Variants in PAK1 observed in about 807,000 individuals in gnomAD.
The protein encoded by PAK1 is p21 (RAC1) activated kinase 1.
In PAK1, 29 loss-of-function variants were observed where a neutral mutation model predicts 67.4. That is an observed-to-expected ratio of 0.43 (90% CI 0.32 to 0.59). The LOEUF (loss-of-function observed/expected upper bound fraction) is 0.59. Ranked by LOEUF, PAK1 falls within the 20% of genes least tolerant of loss-of-function variation. The pLI is 0.07. For missense variants in PAK1, 337 were observed against 670.7 expected (o/e 0.50, Z 5.50); for synonymous variants, 223 against 237.4 (o/e 0.94, Z 0.56).
At chr11:77,448,822 G>A (rs1392309348) in intron 1 of PAK1, among the ~76,000 whole-genome samples, 1 of 152,156 alleles carries the variant, frequency 6.6e-6, no homozygotes, top group African/African-American at 2.4e-5. Context: ...GGCAAAAAGA[G>A]GTAGTCATTT....
intron 1 of PAK1, among the ~76,000 whole-genome samples, chr11:77,433,982 T>C (rs1464773348): frequency 1.3e-5 from 2 of 151,988 alleles, no homozygotes; most frequent in African/African-American, 4.8e-5. Flanking sequence ...AATAAAAAGA[T>C]AGTAACAAGT....
chr11:77,479,602 C>CTTTTTTTTT (rs34649009), upstream of PAK1, among the ~76,000 whole-genome samples: 2 of 80,540 alleles, frequency 2.5e-5, no homozygotes, highest in African/African-American at 5.4e-5. Context: ...GAAAAATAAA[C>CTTTTTTTTT]TTTTTTTTTT....
At chr11:77,328,782 T>C (rs1177718966) in intron 14 of PAK1, among the ~76,000 whole-genome samples, 2 of 151,780 alleles carry the variant, frequency 1.3e-5, no homozygotes, top group African/African-American at 2.4e-5. Flanking sequence ...ATAACTAAGA[T>C]CAGAGCAGAA....
chr11:77,523,058 T>A, the PAK1 span, among the ~76,000 whole-genome samples: 1 of 152,114 alleles, frequency 6.6e-6, no homozygotes, highest in Non-Finnish European at 1.5e-5. Flanking sequence ...AATAGACACT[T>A]CAGGCTACTA....
chr11:77,359,184 T>C (rs1946445635), intron 5 of PAK1, among the ~76,000 whole-genome samples, 167 bp from the exon 6 acceptor site: 1 of 152,078 alleles, frequency 6.6e-6, no homozygotes, highest in South Asian at 2.1e-4. Context: ...GCTCAATCTG[T>C]TTCTCCCTCT....
chr11:77,513,670 CAAAAAAAAAAAA>C, the PAK1 span, among the ~76,000 whole-genome samples: 10 of 52,936 alleles, frequency 1.9e-4, no homozygotes, highest in Non-Finnish European at 3.1e-4. Context: ...GACTCTGTCT[CAAAAAAAAAAAA>C]AAAAAAAAAA....
At chr11:77,478,360 C>G (rs186854754), upstream of PAK1, among the ~76,000 whole-genome samples, 492 of 152,280 alleles carry the variant, frequency 3.2e-3, 2 homozygotes, top group African/African-American at 0.011. Flanking sequence ...TCTTTGAGCT[C>G]TTCCTTGCTT....
intron 1 of PAK1, among the ~76,000 whole-genome samples, chr11:77,418,721 A>G (rs963111201): frequency 9.9e-5 from 15 of 152,258 alleles, no homozygotes; most frequent in African/African-American, 3.1e-4. Context: ...TACAAAGCTA[A>G]TAAGTATGCC....
intron 1 of PAK1, among the ~76,000 whole-genome samples, chr11:77,434,362 C>A (rs1219148851): frequency 1.3e-5 from 2 of 152,064 alleles, no homozygotes; most frequent in East Asian, 3.8e-4. Context: ...CAAAAAAATA[C>A]TGCCAAATAT....
chr11:77,388,811 C>A (rs934855490), intron 2 of PAK1, among the ~76,000 whole-genome samples: 1 of 152,226 alleles, frequency 6.6e-6, no homozygotes, highest in South Asian at 2.1e-4. Flanking sequence ...TAGACCCCCA[C>A]TTTCCCATTT....
intron 5 of PAK1, among the ~76,000 whole-genome samples, chr11:77,372,098 A>C (rs1948511857): frequency 6.6e-6 from 1 of 152,224 alleles, no homozygotes. Flanking sequence ...TGTGAGGCTA[A>C]TCATGCTTAC....
chr11:77,406,416 G>A (rs141692773), intron 1 of PAK1, among the ~76,000 whole-genome samples: 9 of 152,292 alleles, frequency 5.9e-5, no homozygotes, highest in Admixed American at 2.0e-4. Context: ...AAGGAGCAAC[G>A]ATATGCTTTT....
chr11:77,490,502 A>G, the PAK1 span, among the ~76,000 whole-genome samples: 2 of 120,164 alleles, frequency 1.7e-5, no homozygotes, highest in African/African-American at 6.7e-5. Flanking sequence ...TCCGGGAGGG[A>G]GGTGGGGGGT....
At chr11:77,412,761 A>G (rs1954697029) in intron 1 of PAK1, among the ~76,000 whole-genome samples, 1 of 152,234 alleles carries the variant, frequency 6.6e-6, no homozygotes, top group African/African-American at 2.4e-5. Flanking sequence ...TGTACTAGGT[A>G]CTTTATAAAT....
chr11:77,450,634 C>CA (rs1956813366), intron 1 of PAK1, among the ~76,000 whole-genome samples: 1 of 152,042 alleles, frequency 6.6e-6, no homozygotes, highest in Non-Finnish European at 1.5e-5. Flanking sequence ...GATATTATTT[C>CA]AAAAAAATAC....
chr11:77,344,715 C>T (rs1372417289), intron 9 of PAK1, among the ~76,000 whole-genome samples: 2 of 152,184 alleles, frequency 1.3e-5, no homozygotes, highest in African/African-American at 4.8e-5. Context: ...ATAGCAAAAT[C>T]AGGATTAGAA....
intron 1 of PAK1, among the ~76,000 whole-genome samples, chr11:77,401,354 T>G (rs1290111564): frequency 6.6e-6 from 1 of 152,132 alleles, no homozygotes; most frequent in African/African-American, 2.4e-5. Context: ...CAACACCTGC[T>G]AGAGCAACAG....
Position 77,323,272 on chromosome 11 carries a change from T to G in PAK1, c.*2A>C, listed in dbSNP as rs1229476013. ...CACAATGAGGCTGGGGTGAGTGTGG[T>G]TTTAGTGATTGTTCTTTGTTGCCTC... On this transcript the variant is annotated 3_prime_UTR_variant, in exon 15 of 15. Transcript: ENST00000356341. The G allele has an allele frequency of 6.2e-7, 1 of 1,613,706 alleles. No individual in the cohort carries two copies. Among genetic ancestry groups the G allele is most frequent in the Admixed American group, 1.7e-5 (1 of 59,990 alleles).
chr11:77,499,111 T>G, the PAK1 span, among the ~76,000 whole-genome samples: 3 of 149,720 alleles, frequency 2.0e-5, no homozygotes, highest in Non-Finnish European at 4.4e-5. Context: ...CTTTTCATAT[T>G]AATGAGTGAT....
Sources: gnomAD v4.1 joint callset for allele counts (sites outside exome capture counted in the v4.1 genomes callset) on GRCh38, gnomAD v4.1.1 for gene constraint, MANE v1.5 for transcripts, NCBI Gene and HGNC (gene_info 2026-07-23, HGNC 2026-07-21) for gene names.